The following NVL variants were observed in gnomAD, a reference collection of about 807,000 sequenced individuals.
NVL encodes the protein nuclear valosin-containing protein-like.
A neutral mutation model predicts 110.2 loss-of-function variants in NVL; 84 were observed. That is an observed-to-expected ratio of 0.76 (90% CI 0.64 to 0.91). The LOEUF (loss-of-function observed/expected upper bound fraction) is 0.91, where lower values mean the gene tolerates loss of function less well. NVL is among the 40% of genes least tolerant of loss of function. The pLI is 0.00. For synonymous variants in NVL, 354 were observed against 361.1 expected, an observed-to-expected ratio of 0.98 and a Z score of 0.22; for missense variants, 882 against 1,035.9, an observed-to-expected ratio of 0.85 and a Z score of 2.04.
chr1:224,262,463 A>G (rs1664087634), intron 18 of NVL, among the ~76,000 whole-genome samples: 1 of 152,176 alleles, frequency 6.6e-6, no homozygotes, highest in Admixed American at 6.5e-5. Context: ...CCACTGAAAG[A>G]TAAGTACCAG....
rs1000176736 is a variant in NVL at position 224,294,173 on chromosome 1, A to G, written c.1325+94T>C. ...TTGGTACAAAAAGAAAGAGAGAGAA[A>G]GAAAAGGCTACTTGGTATTTCTCAC... On this transcript the variant is annotated intron_variant, in intron 12 of 22. Coordinates refer to ENST00000281701, the MANE Select transcript of NVL (RefSeq NM_002533.4). 16 of 1,309,028 alleles carry G rather than the reference A, an allele frequency of 1.2e-5. No homozygotes were observed. In the Admixed American group the frequency reaches 2.5e-4, roughly 20 times the overall value. 81.1% of individuals were successfully genotyped at this position (1,309,028 alleles called of 1,614,324 possible).
rs535894988 is a variant in NVL at position 224,297,265 on chromosome 1, C to T, written c.1063-647G>A. 3.6e-3 allele frequency among the ~76,000 whole-genome samples: 550 copies of T among 152,186 alleles called. 4 individuals carry two copies. Among genetic ancestry groups the T allele is most frequent in the African/African-American group, 0.012 (511 of 41,516 alleles). On this transcript the variant is annotated intron_variant, in intron 10 of 22. Transcript: ENST00000281701. ...TCCCAGCATCCACACTGAAAAGTACCGGAAGCTTATTTTAAAGGCTACACT... is the reference window on the plus strand; with the variant it reads ...TCCCAGCATCCACACTGAAAAGTACTGGAAGCTTATTTTAAAGGCTACACT...
rs995358666 is a variant in NVL, at chr1:224,325,357, AG to A, written c.131+1033del. Among the ~76,000 whole-genome samples the A allele has an allele frequency of 6.6e-5, 10 of 151,712 alleles. No homozygotes were observed. In the East Asian group the frequency reaches 9.7e-4, roughly 15 times the overall value. ...GAGGCGAAGGTGGAAGGATCACTTG[AG>A]GTCAGGTGTTCCAGACCAACCTGGG... On this transcript the variant is annotated intron_variant, in intron 2 of 22. Coordinates refer to ENST00000281701, the MANE Select transcript of NVL (RefSeq NM_002533.4).
At chr1:224,328,301 C>T (rs1467121069) in intron 1 of NVL, among the ~76,000 whole-genome samples, 3 of 151,886 alleles carry the variant, frequency 2.0e-5, no homozygotes, top group Non-Finnish European at 4.4e-5. Context: ...GGGCAGATCA[C>T]CTGAGGTCAG....
At chr1:224,319,600 A>G (rs1314180832) in intron 2 of NVL, among the ~76,000 whole-genome samples, 1 of 152,032 alleles carries the variant, frequency 6.6e-6, no homozygotes, top group Non-Finnish European at 1.5e-5. Flanking sequence ...TAATCTCTTC[A>G]CCTTTGTGCA....
chr1:224,286,173 T>C, intron 14 of NVL, 43 bp from the exon 15 acceptor site: 1 of 1,393,332 alleles, frequency 7.2e-7, no homozygotes, highest in Non-Finnish European at 1.0e-6. Flanking sequence ...CATGTCCATT[T>C]TATACTGCAG....
At chr1:224,272,758 T>C (rs917070160) in intron 17 of NVL, among the ~76,000 whole-genome samples, 2 of 145,836 alleles carry the variant, frequency 1.4e-5, no homozygotes, top group Admixed American at 6.9e-5. Context: ...CAACAGGCCG[T>C]GCGCGGTGGC....
At chr1:224,297,660 G>T in intron 10 of NVL, 1 of 185,280 alleles carries the variant, frequency 5.4e-6, no homozygotes, top group South Asian at 1.1e-4. Flanking sequence ...TGAACACAAA[G>T]AGAAAGAGGA....
At chr1:224,286,496 G>A (rs1217244601) in intron 14 of NVL, among the ~76,000 whole-genome samples, 3 of 152,146 alleles carry the variant, frequency 2.0e-5, no homozygotes, top group African/African-American at 7.2e-5. Flanking sequence ...ATGAGCCACT[G>A]CGCCCAGCTT....
At chr1:224,261,073 A>G (rs1472608249) in intron 18 of NVL, among the ~76,000 whole-genome samples, 1 of 151,896 alleles carries the variant, frequency 6.6e-6, no homozygotes, top group African/African-American at 2.4e-5. Flanking sequence ...ACGGGGTTTC[A>G]CCATGTTGGC....
intron 2 of NVL, 99 bp downstream of exon 2, chr1:224,326,292 C>A: frequency 1.3e-6 from 1 of 748,306 alleles, no homozygotes. Flanking sequence ...CTAATGCCAG[C>A]AGCTACTGAT....
chr1:224,296,530 ATTCTTCG>A lies in NVL; in HGVS notation c.1144_1150del (p.Arg382LeufsTer2). The A allele has an allele frequency of 6.2e-7, 1 of 1,605,666 alleles. No individual in the cohort carries two copies. Among genetic ancestry groups the A allele is most frequent in the Non-Finnish European group, 8.5e-7 (1 of 1,175,634 alleles). On this transcript the variant is annotated frameshift_variant, in exon 11 of 23. Transcript: ENST00000281701. LOFTEE classifies it high-confidence loss of function. The stretch of plus-strand genomic sequence containing the variant: ...CATGCAGGTTAGGAGTTGGGCTACA[ATTCTTCG>A]TTCCATATCTTTTGAAGCCACTTCT...
chr1:224,310,366 G>A (rs1289936128), intron 5 of NVL, among the ~76,000 whole-genome samples: 6 of 152,002 alleles, frequency 3.9e-5, no homozygotes, highest in Admixed American at 3.9e-4. Flanking sequence ...GTGGGGCTCT[G>A]GGGCCAATCC....
At chr1:224,281,061 C>T (rs1405769211) in intron 16 of NVL, 62 bp downstream of exon 16, 60 of 1,401,124 alleles carry the variant, frequency 4.3e-5, no homozygotes, top group East Asian at 1.8e-4. Context: ...CATTTTACCC[C>T]GTAATTTGCA....
chr1:224,235,164 A>G (rs1003383945), intron 20 of NVL, among the ~76,000 whole-genome samples: 20 of 151,802 alleles, frequency 1.3e-4, no homozygotes, highest in Non-Finnish European at 2.9e-4. Context: ...TTTATTTTTA[A>G]TTTTATTTAT....
chr1:224,289,401 T>C, intron 13 of NVL, 83 bp downstream of exon 13: 1 of 1,413,932 alleles, frequency 7.1e-7, no homozygotes, highest in Non-Finnish European at 9.6e-7. Context: ...GTAATGAACC[T>C]CAATTGTATT....
At chr1:224,275,517 A>C in intron 16 of NVL, 59 bp from the exon 17 acceptor site, 5 of 1,605,726 alleles carry the variant, frequency 3.1e-6, no homozygotes, top group Non-Finnish European at 4.3e-6. Context: ...GTTTGGGTCA[A>C]ATGATACTAA....
intron 1 of NVL, among the ~76,000 whole-genome samples, chr1:224,327,818 A>C (rs1351450521): frequency 6.6e-6 from 1 of 151,312 alleles, no homozygotes; most frequent in Non-Finnish European, 1.5e-5. Flanking sequence ...AGAAACCTCA[A>C]TAAAGTGAAG....
chr1:224,250,932 C>T (rs545908111), intron 18 of NVL, among the ~76,000 whole-genome samples: 1 of 152,020 alleles, frequency 6.6e-6, no homozygotes, highest in African/African-American at 2.4e-5. Context: ...GCTGGGATTA[C>T]AGACGTGAGC....
Sources: gnomAD v4.1 joint callset for allele counts (sites outside exome capture counted in the v4.1 genomes callset) on GRCh38, gnomAD v4.1.1 for gene constraint, MANE v1.5 for transcripts, NCBI Gene and HGNC (gene_info 2026-07-23, HGNC 2026-07-21) for gene names.